TAF4: variants seen among roughly 807,000 people sequenced by gnomAD.
TAF4 encodes the protein transcription initiation factor TFIID subunit 4.
TAF4 carries 9 observed loss-of-function variants against 90.3 expected under a neutral mutation model. The observed-to-expected ratio is 0.10, with a 90% confidence interval of 0.06 to 0.17. The LOEUF (loss-of-function observed/expected upper bound fraction) is 0.17. Ranked by LOEUF, TAF4 falls within the 10% of genes least tolerant of loss-of-function variation. The pLI is 1.00. For missense variants in TAF4, 1,351 were observed against 1,370.7 expected (o/e 0.99, Z 0.23); for synonymous variants, 818 against 638.9 (o/e 1.28, Z -4.23).
intron 1 of TAF4, among the ~76,000 whole-genome samples, chr20:62,063,926 G>C (rs569428817): frequency 6.6e-6 from 1 of 152,340 alleles, no homozygotes; most frequent in African/African-American, 2.4e-5. Flanking sequence ...CCCCGTCCTC[G>C]CCTGGAGACT....
intron 14 of TAF4, among the ~76,000 whole-genome samples, chr20:61,994,074 T>C (rs2055648250): frequency 6.6e-6 from 1 of 151,482 alleles, no homozygotes; most frequent in African/African-American, 2.4e-5. Context: ...TCTATGCCTT[T>C]GAGAATTCAG....
intron 1 of TAF4, among the ~76,000 whole-genome samples, chr20:62,018,806 G>A (rs1022989573): frequency 2.0e-5 from 3 of 152,242 alleles, no homozygotes; most frequent in African/African-American, 7.2e-5. Flanking sequence ...CACGACATCC[G>A]TCCCAAAGAC....
rs769827582 is a variant in TAF4, at chr20:62,009,042, G to A, written c.1884+10C>T. The A allele has an allele frequency of 1.2e-5, 19 of 1,609,024 alleles. No individual in the cohort carries two copies. Among genetic ancestry groups the A allele is most frequent in the Non-Finnish European group, 1.5e-5 (18 of 1,178,510 alleles). ...TAGGGGAAAGGGAATGTAAAGTCAA[G>A]GTTTCTCACCAGTAAATTCTGCACG... On this transcript the variant is annotated intron_variant, in intron 5 of 14. Coordinates refer to ENST00000252996, the MANE Select transcript of TAF4 (RefSeq NM_003185.4).
chr20:61,988,855 G>C (rs1019168653), intron 14 of TAF4, among the ~76,000 whole-genome samples: 21 of 152,132 alleles, frequency 1.4e-4, no homozygotes, highest in Non-Finnish European at 5.9e-5. Flanking sequence ...TCATGAGTGA[G>C]GACGCACGAG....
At chr20:62,063,167 G>C (rs1187521597) in intron 1 of TAF4, among the ~76,000 whole-genome samples, 1 of 152,208 alleles carries the variant, frequency 6.6e-6, no homozygotes, top group African/African-American at 2.4e-5. Context: ...GAGCACTGCA[G>C]CCTAGCAGCC....
At chr20:62,012,716 TAAAA>T in intron 3 of TAF4, 95 bp downstream of exon 3, 1 of 1,118,098 alleles carries the variant, frequency 8.9e-7, no homozygotes, top group Non-Finnish European at 1.2e-6. Flanking sequence ...GTATCCAGTT[TAAAA>T]AAAAAAAAAA....
At chr20:61,985,510 C>T (rs186887157) in intron 14 of TAF4, among the ~76,000 whole-genome samples, 55 of 152,096 alleles carry the variant, frequency 3.6e-4, no homozygotes, top group Non-Finnish European at 6.8e-4. Flanking sequence ...ACTATTTTGA[C>T]CTGTGAGGTT....
intron 13 of TAF4, 27 bp from the exon 14 acceptor site, chr20:61,997,696 G>C (rs746714112): frequency 6.3e-7 from 1 of 1,599,736 alleles, no homozygotes; most frequent in East Asian, 2.2e-5. Flanking sequence ...GAGACAAGGA[G>C]CATCATTTCT....
intron 9 of TAF4, 128 bp downstream of exon 9, chr20:62,003,032 G>T: frequency 1.5e-6 from 1 of 658,774 alleles, no homozygotes; most frequent in Non-Finnish European, 2.6e-6. Flanking sequence ...GCGTGAAGCA[G>T]GAGCCTTGGA....
chr20:62,010,274 G>C lies in TAF4; in HGVS notation c.1642-109C>G. Reference sequence around the variant, plus strand: ...AAAACAAGCCTCCCTGCGGTGGCCAGGACGCCCAGGAAGCCAAGGACCCCG... The same window carrying C: ...AAAACAAGCCTCCCTGCGGTGGCCACGACGCCCAGGAAGCCAAGGACCCCG... On this transcript the variant is annotated intron_variant, in intron 3 of 14. Transcript: ENST00000252996. This position sits in a 1 kb window ranked among gnomAD's most constrained non-coding sequence, Gnocchi z 4.5. The C allele has an allele frequency of 1.3e-6, 2 of 1,527,058 alleles. No homozygotes were observed. The highest frequency in any genetic ancestry group is 1.9e-5 in the Admixed American group (1 of 53,130). 94.6% of individuals were successfully genotyped at this position (1,527,058 alleles called of 1,614,324 possible). A position where few individuals can be genotyped will look rare whatever the true frequency, so the allele number is the denominator to read the frequency against.
intron 1 of TAF4, among the ~76,000 whole-genome samples, chr20:62,042,202 A>G (rs887848231): frequency 6.6e-6 from 1 of 152,170 alleles, no homozygotes; most frequent in Non-Finnish European, 1.5e-5. Context: ...AGAAGGAGAA[A>G]AGAGAAGGAG....
intron 1 of TAF4, among the ~76,000 whole-genome samples, chr20:62,055,259 G>GGCGGTCCT: frequency 1.3e-5 from 2 of 150,246 alleles, no homozygotes; most frequent in African/African-American, 4.9e-5. Flanking sequence ...GCTGCCTGCG[G>GGCGGTCCT]GCAGTCCTGC....
chr20:62,016,710 T>C (rs1032500331), intron 1 of TAF4, among the ~76,000 whole-genome samples: 3 of 152,290 alleles, frequency 2.0e-5, no homozygotes, highest in African/African-American at 7.2e-5. Context: ...GAGAGTCAAT[T>C]CTCCTAATAA....
chr20:62,050,530 C>G (rs774630247), intron 1 of TAF4, among the ~76,000 whole-genome samples: 1 of 152,126 alleles, frequency 6.6e-6, no homozygotes, highest in African/African-American at 2.4e-5. Context: ...TCTCCCCCAC[C>G]CCTCCCCAGC....
At chr20:62,050,845 GAACA>G (rs1248187764) in intron 1 of TAF4, among the ~76,000 whole-genome samples, 1 of 151,816 alleles carries the variant, frequency 6.6e-6, no homozygotes, top group Non-Finnish European at 1.5e-5. Flanking sequence ...TGGCCCCCCA[GAACA>G]AGGCATGCCC....
intron 14 of TAF4, among the ~76,000 whole-genome samples, chr20:61,996,252 C>T (rs1421765233): frequency 2.6e-5 from 4 of 151,940 alleles, no homozygotes; most frequent in South Asian, 2.1e-4. Flanking sequence ...CATGGTGGCA[C>T]GCACCTGTAG....
At chr20:61,995,278 C>G (rs979793659) in intron 14 of TAF4, among the ~76,000 whole-genome samples, 1 of 152,128 alleles carries the variant, frequency 6.6e-6, no homozygotes, top group Non-Finnish European at 1.5e-5. Context: ...TATAAAACAG[C>G]TTTAATAATA....
At chr20:62,005,357 G>C (rs2055738020) in intron 7 of TAF4, 1 of 152,256 alleles carries the variant, frequency 6.6e-6, no homozygotes, top group Non-Finnish European at 1.5e-5. Context: ...CAGGGAAGCA[G>C]AATGCAGAGG....
intron 1 of TAF4, among the ~76,000 whole-genome samples, chr20:62,051,230 G>A (rs575327827): frequency 1.1e-4 from 17 of 152,178 alleles, no homozygotes; most frequent in Admixed American, 3.3e-4. Flanking sequence ...GGGTTCCAGC[G>A]AGGCCCCGGC....
Sources: gnomAD v4.1 joint callset for allele counts (sites outside exome capture counted in the v4.1 genomes callset) on GRCh38, gnomAD v4.1.1 for gene constraint, Gnocchi (gnomAD v3.1) non-coding constraint, MANE v1.5 for transcripts, NCBI Gene and HGNC (gene_info 2026-07-23, HGNC 2026-07-21) for gene names.